CCDC171: variants seen among roughly 807,000 people sequenced by gnomAD.
The protein encoded by CCDC171 is coiled-coil domain-containing protein 171.
CCDC171 carries 177 observed loss-of-function variants against 168.2 expected under a neutral mutation model. The ratio of observed to expected loss-of-function variants is 1.05; its 90% CI spans 0.93 to 1.19. The LOEUF (loss-of-function observed/expected upper bound fraction) is 1.19. CCDC171 is among the 50% of genes most tolerant of loss of function. The pLI, the probability that CCDC171 is intolerant of heterozygous loss-of-function variation, is 0.00. For missense variants in CCDC171, 1,991 were observed against 1,539.0 expected (o/e 1.29, Z -4.91); for synonymous variants, 687 against 540.8 (o/e 1.27, Z -3.75).
At chr9:15,958,635 G>A (rs2132598459) in intron 25 of CCDC171, among the ~76,000 whole-genome samples, 1 of 151,616 alleles carries the variant, frequency 6.6e-6, no homozygotes, top group Admixed American at 6.6e-5. Context: ...AACAGTAGGA[G>A]TTAACGTGAT....
intron 25 of CCDC171, among the ~76,000 whole-genome samples, chr9:15,939,480 C>G (rs1827477878): frequency 6.6e-6 from 1 of 151,828 alleles, no homozygotes; most frequent in Non-Finnish European, 1.5e-5. Flanking sequence ...ATATATAATG[C>G]TTCTTAGCAG....
chr9:15,893,388 A>T (rs1820469689), intron 24 of CCDC171, among the ~76,000 whole-genome samples: 1 of 152,166 alleles, frequency 6.6e-6, no homozygotes, highest in African/African-American at 2.4e-5. Flanking sequence ...AGATTTCATG[A>T]TGAAGATGCC....
chr9:15,842,245 G>A (rs1380048200), intron 21 of CCDC171, among the ~76,000 whole-genome samples: 5 of 151,912 alleles, frequency 3.3e-5, no homozygotes, highest in Non-Finnish European at 7.4e-5. Context: ...ATCTATAAAA[G>A]CAATATCCCC....
chr9:15,866,534 T>C (rs2061794959), intron 23 of CCDC171, among the ~76,000 whole-genome samples: 1 of 151,994 alleles, frequency 6.6e-6, no homozygotes, highest in Non-Finnish European at 1.5e-5. Context: ...TTGCTTTAAT[T>C]ATTTTTATTA....
At chr9:15,738,178 T>A (rs2054615330) in intron 16 of CCDC171, among the ~76,000 whole-genome samples, 2 of 152,114 alleles carry the variant, frequency 1.3e-5, no homozygotes, top group African/African-American at 4.8e-5. Context: ...CAAAAGAATT[T>A]TACTCCCTAG....
At chr9:15,730,476 A>G (rs1024488573) in intron 16 of CCDC171, among the ~76,000 whole-genome samples, 1 of 151,864 alleles carries the variant, frequency 6.6e-6, no homozygotes, top group Non-Finnish European at 1.5e-5. Flanking sequence ...CTTTTTTGGC[A>G]TTGAATTTAT....
chr9:15,630,556 G>C (rs1471679391), intron 7 of CCDC171, among the ~76,000 whole-genome samples: 3 of 152,170 alleles, frequency 2.0e-5, no homozygotes, highest in Admixed American at 6.5e-5. Flanking sequence ...AAGAGACTTA[G>C]ACTCCCACAC....
At position 15,786,040 on chromosome 9, in the gene CCDC171, T is replaced by A. The variant is rs921343758; in HGVS notation, c.3267+1346T>A. Among the ~76,000 whole-genome samples the A allele has an allele frequency of 7.2e-4, 109 of 152,148 alleles. 1 individual carries two copies. The highest frequency in any genetic ancestry group is 2.4e-3 in the African/African-American group (100 of 41,438). On this transcript the variant is annotated intron_variant, in intron 21 of 25. Transcript: ENST00000380701. ...GTGAATTTAAAGAGGAAAATATAGA[T>A]GTCCTTTACGAAGAGGAATAAACGA... is the stretch of plus-strand genomic sequence containing the variant.
intron 21 of CCDC171, among the ~76,000 whole-genome samples, chr9:15,793,379 A>G (rs568505082): frequency 6.6e-6 from 1 of 152,020 alleles, no homozygotes; most frequent in Non-Finnish European, 1.5e-5. Context: ...ATAATGGGAG[A>G]CTTTAACACC....
At chr9:15,680,213 G>T (rs539726490) in intron 10 of CCDC171, among the ~76,000 whole-genome samples, 4 of 152,166 alleles carry the variant, frequency 2.6e-5, no homozygotes, top group African/African-American at 9.7e-5. Context: ...ATAAACATTT[G>T]TTCGATGGAT....
chr9:15,617,831 T>C (rs2044203693), intron 6 of CCDC171, among the ~76,000 whole-genome samples: 1 of 152,180 alleles, frequency 6.6e-6, no homozygotes, highest in Non-Finnish European at 1.5e-5. Flanking sequence ...GTATCACTAG[T>C]GGAGGCTGGA....
At chr9:15,800,845 C>A (rs1342837335) in intron 21 of CCDC171, among the ~76,000 whole-genome samples, 1 of 152,034 alleles carries the variant, frequency 6.6e-6, no homozygotes, top group East Asian at 1.9e-4. Flanking sequence ...GTTCAATTTT[C>A]CCTACACTAT....
At chr9:15,877,457 T>G (rs1818002271) in intron 24 of CCDC171, among the ~76,000 whole-genome samples, 1 of 152,124 alleles carries the variant, frequency 6.6e-6, no homozygotes, top group Non-Finnish European at 1.5e-5. Context: ...TTCCATTTAG[T>G]TTCTTCACCC....
At chr9:15,600,721 C>T (rs573816894) in intron 6 of CCDC171, among the ~76,000 whole-genome samples, 1 of 152,178 alleles carries the variant, frequency 6.6e-6, no homozygotes, top group African/African-American at 2.4e-5. Flanking sequence ...TTGGCTATGC[C>T]CTGCCCCCAG....
At chr9:15,815,962 T>A (rs2059548710) in intron 21 of CCDC171, among the ~76,000 whole-genome samples, 1 of 117,326 alleles carries the variant, frequency 8.5e-6, no homozygotes, top group Admixed American at 8.1e-5. Context: ...AAATAATAAT[T>A]TTAGCAGAGA....
chr9:15,983,844 G>GTGTGTGTT (rs1831890175), intron 3 of CCDC171, among the ~76,000 whole-genome samples: 2 of 151,608 alleles, frequency 1.3e-5, no homozygotes, highest in South Asian at 4.2e-4. Context: ...GTGTGTGTGT[G>GTGTGTGTT]TGTGTGTGTG....
intron 25 of CCDC171, among the ~76,000 whole-genome samples, chr9:15,937,833 T>C (rs1827275787): frequency 6.6e-6 from 1 of 151,934 alleles, no homozygotes. Flanking sequence ...GGTAAACTCA[T>C]TGAGTATTTA....
chr9:15,722,987 G>A (rs1054802276), intron 12 of CCDC171, among the ~76,000 whole-genome samples: 11 of 152,142 alleles, frequency 7.2e-5, no homozygotes, highest in Admixed American at 2.0e-4. Flanking sequence ...GAGGATGAAT[G>A]TCACATGATC....
At chr9:15,994,361 T>G (rs958555263) in intron 3 of CCDC171, among the ~76,000 whole-genome samples, 20 of 152,258 alleles carry the variant, frequency 1.3e-4, no homozygotes, top group Admixed American at 1.2e-3. Flanking sequence ...CCGCATGTTC[T>G]CACTCATAGG....
Sources: allele counts gnomAD v4.1 joint callset (sites outside exome capture counted in the v4.1 genomes callset), GRCh38; gene constraint gnomAD v4.1.1; transcripts MANE v1.5; gene names NCBI Gene and HGNC (gene_info 2026-07-23, HGNC 2026-07-21).